The following RBFOX1 variants were observed in gnomAD, a reference collection of about 807,000 sequenced individuals.
The protein encoded by RBFOX1 is RNA binding protein fox-1 homolog 1.
RBFOX1 carries 8 observed loss-of-function variants against 57.7 expected under a neutral mutation model. That is an observed-to-expected ratio of 0.14 (90% CI 0.08 to 0.25). RBFOX1 has a LOEUF of 0.25. RBFOX1 is among the 10% of genes least tolerant of loss of function. The pLI is 1.00. For missense variants in RBFOX1, 611 were observed against 548.5 expected (o/e 1.11, Z -1.14); for synonymous variants, 326 against 222.4 (o/e 1.47, Z -4.15).
intron 4 of RBFOX1, among the ~76,000 whole-genome samples, chr16:7,131,363 TTAAAA>T (rs2070341068): frequency 8.4e-6 from 1 of 119,624 alleles, no homozygotes; most frequent in South Asian, 2.7e-4. Flanking sequence ...TTTTTTTTTT[TTAAAA>T]AAAAAAAAAA....
chr16:6,966,813 GTCTGTCTA>G (rs1463059907), intron 3 of RBFOX1, among the ~76,000 whole-genome samples: 28 of 150,072 alleles, frequency 1.9e-4, no homozygotes, highest in African/African-American at 2.5e-4. Context: ...CTGTCTGTCT[GTCTGTCTA>G]TCTATCTGTC....
intron 1 of RBFOX1, among the ~76,000 whole-genome samples, chr16:5,248,913 G>A (rs1187307027): frequency 6.6e-6 from 1 of 150,676 alleles, no homozygotes; most frequent in South Asian, 2.1e-4. Flanking sequence ...GCTTGAACCC[G>A]GGAGGTGGAG....
chr16:5,669,679 A>C (rs528131205), intron 3 of RBFOX1, among the ~76,000 whole-genome samples: 10 of 152,114 alleles, frequency 6.6e-5, no homozygotes, highest in Admixed American at 2.0e-4. Context: ...TGGCCACCCA[A>C]AGTGGTGAGA....
intron 4 of RBFOX1, among the ~76,000 whole-genome samples, chr16:7,304,690 C>G (rs1274686499): frequency 6.6e-6 from 1 of 152,286 alleles, no homozygotes; most frequent in African/African-American, 2.4e-5. Context: ...TGTCCGAATA[C>G]TTTAAAACCG....
At chr16:6,655,474 A>C (rs2098643477) in intron 3 of RBFOX1, among the ~76,000 whole-genome samples, 1 of 150,194 alleles carries the variant, frequency 6.7e-6, no homozygotes. Flanking sequence ...ATCTGAGATT[A>C]AGGGGGTAGG....
At chr16:5,803,422 C>T (rs76708255) in intron 3 of RBFOX1, among the ~76,000 whole-genome samples, 3,807 of 152,254 alleles carry the variant, frequency 0.025, 156 homozygotes, top group African/African-American at 0.083. Context: ...CCACACTGAC[C>T]AGATCCGGGA....
intron 1 of RBFOX1, among the ~76,000 whole-genome samples, chr16:6,251,967 C>T (rs529196028): frequency 1.1e-4 from 16 of 152,210 alleles, no homozygotes; most frequent in African/African-American, 3.6e-4. Flanking sequence ...CCAACCAATT[C>T]TGTAATGTCA....
intron 4 of RBFOX1, among the ~76,000 whole-genome samples, chr16:7,063,032 G>A (rs889876990): frequency 6.7e-6 from 1 of 149,450 alleles, no homozygotes; most frequent in Non-Finnish European, 1.5e-5. Context: ...CCAAGAGTTT[G>A]GTTAAAGGTT....
intron 3 of RBFOX1, among the ~76,000 whole-genome samples, chr16:5,822,000 A>G (rs1262581193): frequency 6.6e-6 from 1 of 152,242 alleles, no homozygotes; most frequent in African/African-American, 2.4e-5. Flanking sequence ...TTCAGAGCAT[A>G]TCAGGTATGA....
intron 3 of RBFOX1, among the ~76,000 whole-genome samples, chr16:6,829,168 A>G (rs548551225): frequency 1.2e-4 from 18 of 152,190 alleles, no homozygotes; most frequent in Admixed American, 3.9e-4. Flanking sequence ...TAGAAGTTTC[A>G]AGAAACCAAA....
chr16:6,757,246 A>C (rs980094413), intron 3 of RBFOX1, among the ~76,000 whole-genome samples: 3 of 152,162 alleles, frequency 2.0e-5, no homozygotes, highest in Admixed American at 6.5e-5. Context: ...GAGGTTTCTC[A>C]AAAAGACTAA....
intron 3 of RBFOX1, among the ~76,000 whole-genome samples, chr16:7,025,239 A>G (rs1255181778): frequency 2.0e-5 from 3 of 152,102 alleles, no homozygotes; most frequent in Non-Finnish European, 4.4e-5. Context: ...TTTAGACCAT[A>G]TAGGGTAACT....
chr16:6,225,225 G>A (rs902484060), intron 1 of RBFOX1, among the ~76,000 whole-genome samples: 1 of 13,596 alleles, frequency 7.4e-5, no homozygotes, highest in Non-Finnish European at 3.1e-4. Context: ...ACTGAAGTAG[G>A]AGAGTTATAT....
chr16:6,923,156 C>A (rs553355736), intron 3 of RBFOX1, among the ~76,000 whole-genome samples: 3 of 152,160 alleles, frequency 2.0e-5, no homozygotes, highest in East Asian at 1.9e-4. Flanking sequence ...CAGTGTGAGT[C>A]TGAGAATAAA....
chr16:5,370,051 A>G lies in RBFOX1; in HGVS notation c.220-97165A>G, dbSNP rs1303967144. On this transcript the variant is annotated intron_variant, in intron 1 of 2. Transcript: ENST00000585867. ...TCTGCATCTATTCCATGTATTGAGC[A>G]CCTACTATGTGCTGGGCACCATTCT... Among the ~76,000 whole-genome samples, 7 of 152,200 alleles carry G rather than the reference A, an allele frequency of 4.6e-5. No homozygotes were observed. In the East Asian group the frequency reaches 1.2e-3, roughly 25 times the overall value.
chr16:7,367,004 G>A (rs1232353269), intron 4 of RBFOX1, among the ~76,000 whole-genome samples: 2 of 152,122 alleles, frequency 1.3e-5, no homozygotes, highest in East Asian at 1.9e-4. Flanking sequence ...ACTCTGGTGT[G>A]AAATGAATTG....
intron 4 of RBFOX1, among the ~76,000 whole-genome samples, chr16:7,476,159 G>T (rs908344770): frequency 2.6e-5 from 4 of 151,962 alleles, no homozygotes; most frequent in Non-Finnish European, 5.9e-5. Flanking sequence ...AGATACTAGA[G>T]ATGCTGTTTT....
At chr16:6,811,322 G>A (rs541462418) in intron 3 of RBFOX1, among the ~76,000 whole-genome samples, 28 of 152,306 alleles carry the variant, frequency 1.8e-4, no homozygotes, top group African/African-American at 6.5e-4. Flanking sequence ...ATTGAACCCA[G>A]TAATACTGGA....
At chr16:7,124,902 C>T (rs898082508) in intron 4 of RBFOX1, among the ~76,000 whole-genome samples, 4 of 152,098 alleles carry the variant, frequency 2.6e-5, no homozygotes, top group East Asian at 1.9e-4. Flanking sequence ...CCAGTGACAG[C>T]GTTATGAGCT....
Sources: gnomAD v4.1 joint callset for allele counts (sites outside exome capture counted in the v4.1 genomes callset) on GRCh38, gnomAD v4.1.1 for gene constraint, MANE v1.5 for transcripts, NCBI Gene and HGNC (gene_info 2026-07-23, HGNC 2026-07-21) for gene names.